TBC1D5: variants seen among roughly 807,000 people sequenced by gnomAD.
TBC1D5 encodes the protein TBC1 domain family member 5.
TBC1D5 carries 75 observed loss-of-function variants against 100.3 expected under a neutral mutation model. That is an observed-to-expected ratio of 0.75 (90% CI 0.62 to 0.91). The LOEUF is 0.91. Ranked by LOEUF, TBC1D5 falls within the 40% of genes least tolerant of loss-of-function variation. TBC1D5 has a pLI of 0.00. For missense variants in TBC1D5, 910 were observed against 942.4 expected, an observed-to-expected ratio of 0.97 and a Z score of 0.45; for synonymous variants, 323 against 325.6, an observed-to-expected ratio of 0.99 and a Z score of 0.09.
At chr3:17,646,534 A>G (rs1419288997) in intron 1 of TBC1D5, among the ~76,000 whole-genome samples, 2 of 152,072 alleles carry the variant, frequency 1.3e-5, no homozygotes, top group African/African-American at 4.8e-5. Context: ...TCAATTACTG[A>G]GGCCTGCTCC....
chr3:17,426,428 A>T (rs1177917794), intron 4 of TBC1D5, among the ~76,000 whole-genome samples: 1 of 152,062 alleles, frequency 6.6e-6, no homozygotes, highest in Non-Finnish European at 1.5e-5. Context: ...CACACCTTAA[A>T]TACTATAATA....
chr3:17,167,573 TA>T (rs1215258262), intron 20 of TBC1D5, among the ~76,000 whole-genome samples, 175 bp downstream of exon 21: 1 of 152,162 alleles, frequency 6.6e-6, no homozygotes, highest in Non-Finnish European at 1.5e-5. Context: ...GCTAGTCAGA[TA>T]TAATTGTTAG....
chr3:17,688,205 A>G (rs2070603793), intron 1 of TBC1D5, among the ~76,000 whole-genome samples: 1 of 152,104 alleles, frequency 6.6e-6, no homozygotes, highest in Admixed American at 6.5e-5. Flanking sequence ...TCATATCAAT[A>G]TACATATATA....
intron 1 of TBC1D5, among the ~76,000 whole-genome samples, chr3:17,638,689 T>C (rs184916486): frequency 6.6e-6 from 1 of 152,286 alleles, no homozygotes; most frequent in African/African-American, 2.4e-5. Flanking sequence ...ACAACTGAAT[T>C]TGAAGAAGCC....
intron 4 of TBC1D5, among the ~76,000 whole-genome samples, chr3:17,409,798 G>A (rs2093873291): frequency 6.6e-6 from 1 of 152,142 alleles, no homozygotes; most frequent in African/African-American, 2.4e-5. Flanking sequence ...GAAAGGTGAG[G>A]AAGCTGCCAA....
intron 13 of TBC1D5, among the ~76,000 whole-genome samples, chr3:17,326,430 T>C (rs1023666516): frequency 2.0e-5 from 3 of 152,164 alleles, no homozygotes; most frequent in Admixed American, 6.5e-5. Flanking sequence ...GCTTGCTCCA[T>C]CTTACTTGGA....
chr3:17,560,680 T>C (rs974192975), intron 2 of TBC1D5, among the ~76,000 whole-genome samples: 1 of 151,566 alleles, frequency 6.6e-6, no homozygotes, highest in Admixed American at 6.6e-5. Flanking sequence ...CCCAGCACTT[T>C]GGGAGGCTGA....
At chr3:17,574,806 A>T (rs2096647767) in intron 2 of TBC1D5, among the ~76,000 whole-genome samples, 3 of 152,060 alleles carry the variant, frequency 2.0e-5, no homozygotes. Context: ...TTTTCATAGG[A>T]AAAACTCACT....
intron 2 of TBC1D5, among the ~76,000 whole-genome samples, chr3:17,570,811 A>G (rs1472293425): frequency 1.3e-5 from 2 of 151,990 alleles, no homozygotes; most frequent in Non-Finnish European, 2.9e-5. Context: ...ATTCCATCTT[A>G]TTACATTATT....
At chr3:17,682,250 C>T (rs1190953444) in intron 1 of TBC1D5, among the ~76,000 whole-genome samples, 2 of 150,950 alleles carry the variant, frequency 1.3e-5, no homozygotes, top group African/African-American at 4.9e-5. Flanking sequence ...AGTTCAAGAC[C>T]CCATCTCTAG....
At chr3:17,356,578 C>T (rs1467098766) in intron 13 of TBC1D5, among the ~76,000 whole-genome samples, 11 of 152,026 alleles carry the variant, frequency 7.2e-5, no homozygotes, top group African/African-American at 2.4e-5. Flanking sequence ...TTAATGAATT[C>T]GGATAAAAAG....
intron 3 of TBC1D5, among the ~76,000 whole-genome samples, chr3:17,498,116 T>C (rs1257742946): frequency 6.6e-6 from 1 of 152,140 alleles, no homozygotes; most frequent in Non-Finnish European, 1.5e-5. Flanking sequence ...ATTTCTTCCA[T>C]TTAAAACACT....
At chr3:17,283,772 G>A (rs36123980) in intron 15 of TBC1D5, among the ~76,000 whole-genome samples, 1 of 151,584 alleles carries the variant, frequency 6.6e-6, no homozygotes, top group East Asian at 1.9e-4. Flanking sequence ...TTATCCATCA[G>A]GTAAGACTGC....
intron 18 of TBC1D5, among the ~76,000 whole-genome samples, chr3:17,199,276 C>A (rs930367470): frequency 2.0e-5 from 3 of 152,126 alleles, no homozygotes; most frequent in Non-Finnish European, 4.4e-5. Flanking sequence ...ACAATCAATA[C>A]CTCATTTATC....
At chr3:17,680,177 G>A (rs534998377) in intron 1 of TBC1D5, among the ~76,000 whole-genome samples, 2 of 150,110 alleles carry the variant, frequency 1.3e-5, no homozygotes, top group Admixed American at 6.6e-5. Context: ...TTGGTACTCT[G>A]TACTGAGGAT....
chr3:17,377,041 T>C (rs6442680), intron 9 of TBC1D5, among the ~76,000 whole-genome samples: 62,621 of 151,926 alleles, frequency 0.41, 13,583 homozygotes, highest in Middle Eastern at 0.47. Flanking sequence ...GTTTTCATTA[T>C]ATAATGGCTC....
intron 2 of TBC1D5, among the ~76,000 whole-genome samples, chr3:17,594,553 A>G (rs905337870): frequency 6.6e-6 from 1 of 152,248 alleles, no homozygotes; most frequent in African/African-American, 2.4e-5. Context: ...ATTGTCATGA[A>G]TATTTCCTCC....
chr3:17,296,233 C>T, intron 14 of TBC1D5, among the ~76,000 whole-genome samples: 1 of 152,068 alleles, frequency 6.6e-6, no homozygotes, highest in East Asian at 1.9e-4. Flanking sequence ...AAAAGAAAAC[C>T]TTCTTTCTTT....
At position 17,683,348 on chromosome 3, in the gene TBC1D5, A is replaced by AAAGACCTGATAGGAGTGT. The variant is rs1266281587; in HGVS notation, c.-101+55977_-101+55994dup. Among the ~76,000 whole-genome samples, 11 of 151,292 alleles carry AAAGACCTGATAGGAGTGT rather than the reference A, an allele frequency of 7.3e-5. 1 individual carries two copies. Among genetic ancestry groups the AAAGACCTGATAGGAGTGT allele is most frequent in the Non-Finnish European group, 1.3e-4 (9 of 68,012 alleles). ...GAAATGGCCTTGGGCTTAAGAGTCA[A>AAAGACCTGATAGGAGTGT]AAGACCTGATAGGAGTGTTGCACAT... On this transcript the variant is annotated intron_variant, in intron 1 of 21. Coordinates refer to ENST00000253692, the Ensembl canonical transcript of TBC1D5.
Sources: gnomAD v4.1 joint callset for allele counts (sites outside exome capture counted in the v4.1 genomes callset) on GRCh38, gnomAD v4.1.1 for gene constraint, MANE v1.5 for transcripts, NCBI Gene and HGNC (gene_info 2026-07-23, HGNC 2026-07-21) for gene names.